The following KIF2A variants were observed in gnomAD, a reference collection of about 807,000 sequenced individuals.
The protein encoded by KIF2A is kinesin-like protein KIF2A.
KIF2A carries 22 observed loss-of-function variants against 100.2 expected under a neutral mutation model. The observed-to-expected ratio is 0.22, with a 90% CI of 0.16 to 0.31. The LOEUF is 0.31. KIF2A is among the 10% of genes least tolerant of loss of function. The probability of loss-of-function intolerance (pLI) is 1.00; values close to 1 mark genes in which losing one functional copy is unlikely to be tolerated. For missense variants in KIF2A, 495 were observed against 898.7 expected, an observed-to-expected ratio of 0.55 and a Z score of 5.74; for synonymous variants, 268 against 285.9, an observed-to-expected ratio of 0.94 and a Z score of 0.63.
chr5:62,317,370 G>T (rs1745869328), intron 1 of KIF2A, among the ~76,000 whole-genome samples: 1 of 152,190 alleles, frequency 6.6e-6, no homozygotes, highest in Non-Finnish European at 1.5e-5. Context: ...TTTAAGAAAT[G>T]AGAACAAATT....
intron 3 of KIF2A, among the ~76,000 whole-genome samples, chr5:62,348,975 A>G (rs1008337274): frequency 1.3e-5 from 2 of 152,240 alleles, no homozygotes; most frequent in African/African-American, 2.4e-5. Context: ...GCATTTAAAT[A>G]TAGTATAATA....
At chr5:62,340,549 A>G (rs1344348251) in intron 1 of KIF2A, among the ~76,000 whole-genome samples, 2 of 151,880 alleles carry the variant, frequency 1.3e-5, no homozygotes, top group African/African-American at 4.8e-5. Context: ...TCTATGCATG[A>G]TCCCTATTAA....
At chr5:62,320,561 T>C (rs1661389962) in intron 1 of KIF2A, among the ~76,000 whole-genome samples, 1 of 116,934 alleles carries the variant, frequency 8.6e-6, no homozygotes, top group East Asian at 2.1e-4. Flanking sequence ...GCTGTGACTA[T>C]AGCATTTTTT....
chr5:62,322,998 T>C, intron 1 of KIF2A, among the ~76,000 whole-genome samples: 1 of 149,312 alleles, frequency 6.7e-6, no homozygotes, highest in Non-Finnish European at 1.5e-5. Flanking sequence ...GACTCATGCC[T>C]GTAATCCCAG....
At chr5:62,331,218 C>T (rs1177054845) in intron 1 of KIF2A, among the ~76,000 whole-genome samples, 1 of 151,808 alleles carries the variant, frequency 6.6e-6, no homozygotes, top group African/African-American at 2.4e-5. Context: ...TCGAGACAAG[C>T]CTGACCAACA....
At chr5:62,335,355 C>T (rs1313905677) in intron 1 of KIF2A, among the ~76,000 whole-genome samples, 1 of 152,210 alleles carries the variant, frequency 6.6e-6, no homozygotes, top group African/African-American at 2.4e-5. Context: ...ATCACCATCC[C>T]TCTTCTTGGC....
At chr5:62,348,738 A>G (rs1245426448) in intron 3 of KIF2A, among the ~76,000 whole-genome samples, 1 of 152,202 alleles carries the variant, frequency 6.6e-6, no homozygotes, top group Non-Finnish European at 1.5e-5. Flanking sequence ...ACCTTTCAGT[A>G]TTAAATTTTT....
chr5:62,352,954 T>C (rs1465852014), intron 5 of KIF2A: 1 of 437,578 alleles, frequency 2.3e-6, no homozygotes. Context: ...TTTAAAATTC[T>C]GGGCAGATGA....
chr5:62,344,394 T>C (rs1244917966), intron 1 of KIF2A, among the ~76,000 whole-genome samples: 1 of 151,970 alleles, frequency 6.6e-6, no homozygotes, highest in African/African-American at 2.4e-5. Flanking sequence ...ATATTTGTTA[T>C]GATTAAATGA....
chr5:62,334,937 A>C (rs1020201289), intron 1 of KIF2A, among the ~76,000 whole-genome samples: 5 of 152,176 alleles, frequency 3.3e-5, no homozygotes, highest in Admixed American at 1.3e-4. Flanking sequence ...TCACTGGCCG[A>C]TGAGTGACTT....
At position 62,347,086 on chromosome 5, in the gene KIF2A, A is replaced by G. The variant is rs917541316; in HGVS notation, c.65-44A>G. ...GTATTTCACAGTGTTTAGGAATGCC[A>G]TAATTTGTGGCATTTTTAAGGTGTA... On this transcript the variant is annotated intron_variant, in intron 1 of 20. Coordinates refer to ENST00000407818, the MANE Select transcript of KIF2A (RefSeq NM_001098511.3). 3.7e-6 allele frequency: 4 copies of G among 1,082,162 alleles called. No individual in the cohort carries two copies. The African/African-American group carries it at 6.3e-5, about 17-fold the overall frequency. The allele number at this position is 1,082,162 out of a possible 1,614,324, so 67.0% of individuals were successfully genotyped here.
intron 15 of KIF2A, 132 bp from the exon 16 acceptor site, chr5:62,366,282 T>G: frequency 4.6e-6 from 3 of 650,140 alleles, no homozygotes; most frequent in Non-Finnish European, 2.7e-6. Context: ...ATCTTGGAGT[T>G]GAGATATCAT....
chr5:62,357,618 T>TA, intron 7 of KIF2A, 73 bp from the exon 8 acceptor site: 1 of 736,564 alleles, frequency 1.4e-6, no homozygotes, highest in Non-Finnish European at 2.2e-6. Context: ...CTGGAGGAAA[T>TA]ATTACATAAT....
At chr5:62,336,984 A>G (rs187517553) in intron 1 of KIF2A, among the ~76,000 whole-genome samples, 4 of 152,358 alleles carry the variant, frequency 2.6e-5, no homozygotes, top group African/African-American at 9.6e-5. Flanking sequence ...AAAATGTGGA[A>G]ACTTTATCTA....
chr5:62,320,384 C>G (rs80204907), intron 1 of KIF2A, among the ~76,000 whole-genome samples: 2,270 of 152,266 alleles, frequency 0.015, 52 homozygotes, highest in African/African-American at 0.052. Context: ...AGTAGAAGCA[C>G]TGGGTCAGAT....
Position 62,306,778 on chromosome 5 carries a change from C to A in KIF2A, c.64+242C>A, listed in dbSNP as rs944167620. 8 of 478,976 alleles carry A rather than the reference C, an allele frequency of 1.7e-5. No individual in the cohort carries two copies. The Admixed American group carries it at 2.6e-4, about 16-fold the overall frequency. The allele number at this position is 478,976 out of a possible 1,614,324, so 29.7% of individuals were successfully genotyped here. Reference sequence around the variant, plus strand: ...AGGGAAGCCGGGTGGGGAAAGGGCCCGGGTGTCGAGGGTCGCGTCTCCGGG... The same window carrying A: ...AGGGAAGCCGGGTGGGGAAAGGGCCAGGGTGTCGAGGGTCGCGTCTCCGGG... On this transcript the variant is annotated intron_variant, in intron 1 of 20. Transcript: ENST00000407818.
In KIF2A at chr5:62,387,494, C is replaced by G. The variant is rs1742089361; in HGVS notation, c.*1925C>G. ...CCTTATAGACAAATATGCTGCCTTACACTATGATGGCTTCATTCTGATCAG... is the reference window on the plus strand; with the variant it reads ...CCTTATAGACAAATATGCTGCCTTAGACTATGATGGCTTCATTCTGATCAG... On this transcript the variant is annotated 3_prime_UTR_variant, in exon 21 of 21. Coordinates refer to ENST00000407818, the MANE Select transcript of KIF2A (RefSeq NM_001098511.3). 1 of 152,114 alleles carries G rather than the reference C, an allele frequency of 6.6e-6. No homozygotes were observed. The highest frequency in any genetic ancestry group is 2.1e-4 in the South Asian group (1 of 4,830). The allele number at this position is 152,114 out of a possible 1,614,324, so 9.4% of individuals were successfully genotyped here. A position where few individuals can be genotyped will look rare whatever the true frequency, so the allele number is the denominator to read the frequency against.
intron 1 of KIF2A, among the ~76,000 whole-genome samples, chr5:62,340,172 G>A (rs1747222232): frequency 6.6e-6 from 1 of 151,850 alleles, no homozygotes; most frequent in Admixed American, 6.6e-5. Context: ...CCTGATCTCT[G>A]GTGATCCACC....
intron 1 of KIF2A, among the ~76,000 whole-genome samples, chr5:62,345,243 C>T (rs1017123030): frequency 6.6e-6 from 1 of 152,088 alleles, no homozygotes; most frequent in Non-Finnish European, 1.5e-5. Flanking sequence ...CAAAAATTAG[C>T]CCATTGTGGT....
Sources: allele counts gnomAD v4.1 joint callset (sites outside exome capture counted in the v4.1 genomes callset), GRCh38; gene constraint gnomAD v4.1.1; transcripts MANE v1.5; gene names NCBI Gene and HGNC (gene_info 2026-07-23, HGNC 2026-07-21).